Variants in NDE1 observed in about 807,000 individuals in gnomAD.
NDE1 encodes the protein nudE neurodevelopment protein 1.
A neutral mutation model predicts 43.4 loss-of-function variants in NDE1; 28 were observed. That is an observed-to-expected ratio of 0.65 (90% confidence interval 0.48 to 0.89). The LOEUF (loss-of-function observed/expected upper bound fraction) is 0.89. Among genes scored for constraint, NDE1 ranks in the 40% least tolerant of loss-of-function variants. The pLI, the probability that NDE1 is intolerant of heterozygous loss-of-function variation, is 0.00. For missense variants in NDE1, 441 were observed against 434.1 expected, an observed-to-expected ratio of 1.02 and a Z score of -0.14; for synonymous variants, 184 against 172.0, an observed-to-expected ratio of 1.07 and a Z score of -0.55.
chr16:15,694,825 A>G (rs2151134076), intron 7 of NDE1: 1 of 985,358 alleles, frequency 1.0e-6, no homozygotes, highest in Non-Finnish European at 1.2e-6. Context: ...AATTTGGGAA[A>G]TTAGGGTGAT....
At position 15,708,684 on chromosome 16, in the gene NDE1, G is replaced by GC. The variant is rs1243726110; in HGVS notation, c.947+11825dup. 8 of 1,050,292 alleles carry GC rather than the reference G, an allele frequency of 7.6e-6. No individual in the cohort carries two copies. In the African/African-American group the frequency reaches 1.3e-4, roughly 17 times the overall value. 65.1% of individuals were successfully genotyped at this position (1,050,292 alleles called of 1,614,324 possible). A position where few individuals can be genotyped will look rare whatever the true frequency, so the allele number is the denominator to read the frequency against. On this transcript the variant is annotated intron_variant, in intron 8 of 8. Transcript: ENST00000396354. ...AAAGATATCCAAGCCTCCAGATTTTGCAAGAATCTCGTGGAAATGTGCAAG... is the reference window on the plus strand; with the variant it reads ...AAAGATATCCAAGCCTCCAGATTTTGCCAAGAATCTCGTGGAAATGTGCAAG...
In NDE1 at chr16:15,658,952, T is replaced by A. The variant is rs1033953631; in HGVS notation, c.-43-5784T>A. Among the ~76,000 whole-genome samples, 5 of 152,208 alleles carry A rather than the reference T, an allele frequency of 3.3e-5. No homozygotes were observed. The East Asian group carries it at 9.6e-4, about 29-fold the overall frequency. On this transcript the variant is annotated intron_variant, in intron 1 of 8. Coordinates refer to ENST00000396354, the MANE Select transcript of NDE1 (RefSeq NM_017668.3). ...GATTACAGGCATGAGCCACCACGTC[T>A]GGCCAGCTTTGTATGACATTTCGCC... is the stretch of plus-strand genomic sequence containing the variant.
chr16:15,717,112 C>T (rs746624942), intron 8 of NDE1: 4 of 1,612,278 alleles, frequency 2.5e-6, no homozygotes, highest in Admixed American at 1.7e-5. Context: ...CCCCTGCAAA[C>T]TGGGTTCGGA....
At chr16:15,681,601 C>T (rs1001815976) in intron 4 of NDE1, among the ~76,000 whole-genome samples, 2 of 151,414 alleles carry the variant, frequency 1.3e-5, no homozygotes, top group South Asian at 2.1e-4. Context: ...TGTTTTTTTT[C>T]CCATGATTTC....
chr16:15,687,578 C>T, intron 5 of NDE1, 67 bp downstream of exon 5: 1 of 1,413,954 alleles, frequency 7.1e-7, no homozygotes, highest in South Asian at 1.2e-5. Flanking sequence ...TCTTGTCCCA[C>T]AAGCTCTCCC....
chr16:15,723,368 C>T (rs962771839), intron 8 of NDE1, among the ~76,000 whole-genome samples: 8 of 152,076 alleles, frequency 5.3e-5, no homozygotes, highest in East Asian at 1.9e-4. Context: ...ATATGTGGGC[C>T]GGGCATAGTG....
Position 15,690,362 on chromosome 16 carries a change from T to C in NDE1, c.524-782T>C, listed in dbSNP as rs1289820787. On this transcript the variant is annotated intron_variant, in intron 5 of 8. Transcript: ENST00000396354. ...CTTTTTTTTTTTTTTTCTTTTTTTT[T>C]TTTTTTTTTTTTTTTTTTTGAGCCA... Among the ~76,000 whole-genome samples the C allele has an allele frequency of 1.9e-4, 19 of 101,636 alleles. No homozygotes were observed. The East Asian group carries it at 2.9e-3, about 16-fold the overall frequency. The allele number at this position is 101,636 out of a possible 152,430, so 66.7% of individuals were successfully genotyped here.
chr16:15,643,383 G>A, exon 1 of NDE1: 1 of 495,730 alleles, frequency 2.0e-6, no homozygotes, highest in Non-Finnish European at 4.2e-6. Flanking sequence ...AAAACCCCCA[G>A]TTTAAGGAGG....
intron 3 of NDE1, among the ~76,000 whole-genome samples, chr16:15,668,944 G>A (rs2037451266): frequency 6.6e-6 from 1 of 152,152 alleles, no homozygotes; most frequent in Admixed American, 6.6e-5. Context: ...CTGTTGCCCA[G>A]GCTGGAGTGC....
At chr16:15,681,988 C>A (rs772251137) in intron 4 of NDE1, among the ~76,000 whole-genome samples, 1 of 152,172 alleles carries the variant, frequency 6.6e-6, no homozygotes, top group South Asian at 2.1e-4. Context: ...TTGTGCACTC[C>A]AAGGTTTATA....
At chr16:15,724,070 G>A (rs949462185) in intron 8 of NDE1, 121 bp from the exon 9 acceptor site, 11 of 1,593,806 alleles carry the variant, frequency 6.9e-6, no homozygotes, top group Admixed American at 1.7e-5. Flanking sequence ...GGGGATGCAG[G>A]CACAGGCCAG....
In NDE1 at chr16:15,717,295, A is replaced by T. The variant is rs112201211; in HGVS notation, c.948-6896A>T. 6.2e-7 allele frequency: 1 copy of T among 1,613,102 alleles called. No homozygotes were observed. The highest frequency in any genetic ancestry group is 8.5e-7 in the Non-Finnish European group (1 of 1,180,014). ...GCTCGAGCTGCTGCCGGGCACTCTC[A>T]TTCTTCTGGGCCGTGCTGCGCTCTG... On this transcript the variant is annotated intron_variant, in intron 8 of 8. Coordinates refer to ENST00000396354, the MANE Select transcript of NDE1 (RefSeq NM_017668.3).
At position 15,677,286 on chromosome 16, in the gene NDE1, TAAAG is replaced by T. The variant is rs890589060; in HGVS notation, c.238-513_238-510del. On this transcript the variant is annotated intron_variant, in intron 3 of 8. Transcript: ENST00000396354. ...GAGTGTGGTGGGAGGAGTAGTTTCA[TAAAG>T]AGAGAGGGTCAGGCCAGGTGCAGTG... Among the ~76,000 whole-genome samples the T allele has an allele frequency of 5.3e-5, 8 of 151,938 alleles. No individual in the cohort carries two copies. The East Asian group carries it at 1.2e-3, about 22-fold the overall frequency.
chr16:15,686,604 A>T, intron 4 of NDE1: 1 of 941,516 alleles, frequency 1.1e-6, no homozygotes, highest in Non-Finnish European at 1.3e-6. Context: ...CTTGAGCCCA[A>T]GAGTTTGAGA....
In NDE1 at chr16:15,650,292, C is replaced by A; in HGVS notation, c.-46C>A. The A allele has an allele frequency of 3.2e-6, 1 of 310,608 alleles. No homozygotes were observed. Among genetic ancestry groups the A allele is most frequent in the South Asian group, 2.3e-5 (1 of 42,622 alleles). The allele number at this position is 310,608 out of a possible 1,614,324, so 19.2% of individuals were successfully genotyped here. On this transcript the variant is annotated splice_region_variant and 5_prime_UTR_variant, in exon 1 of 9. Coordinates refer to ENST00000396354, the MANE Select transcript of NDE1 (RefSeq NM_017668.3). ...CCGCGTTGGCCTCGCCGCCCCTGCTCGGGTAAGTGAGGCGCTGCGCGGGGC... is the reference window on the plus strand; with the variant it reads ...CCGCGTTGGCCTCGCCGCCCCTGCTAGGGTAAGTGAGGCGCTGCGCGGGGC...
rs998621381 is a variant in NDE1 at position 15,665,059 on chromosome 16, CT to C, written c.83+210del. 2.4e-3 allele frequency among the ~76,000 whole-genome samples: 340 copies of C among 141,360 alleles called. No individual in the cohort carries two copies. The highest frequency in any genetic ancestry group is 3.7e-3 in the Middle Eastern group (1 of 272). 92.7% of individuals were successfully genotyped at this position (141,360 alleles called of 152,430 possible). The stretch of plus-strand genomic sequence containing the variant: ...TATAGGTGTGCTTCATCAGGCCAGG[CT>C]TTTTTTTTTTTGGCGGAAACAGGGG... On this transcript the variant is annotated intron_variant, in intron 2 of 8. Coordinates refer to ENST00000396354, the MANE Select transcript of NDE1 (RefSeq NM_017668.3).
upstream of NDE1, among the ~76,000 whole-genome samples, chr16:15,646,044 A>G (rs927562770): frequency 2.0e-5 from 3 of 152,250 alleles, no homozygotes; most frequent in Admixed American, 6.5e-5. Flanking sequence ...GTTTTACCCA[A>G]TGACAAACCT....
At chr16:15,706,926 GTGCTT>G (rs1485333435) in intron 8 of NDE1, among the ~76,000 whole-genome samples, 1 of 152,182 alleles carries the variant, frequency 6.6e-6, no homozygotes. Flanking sequence ...TTTGGCTGAA[GTGCTT>G]TTCTTGGAAC....
chr16:15,670,669 AAAAG>A (rs779616452), intron 3 of NDE1, among the ~76,000 whole-genome samples: 133 of 150,556 alleles, frequency 8.8e-4, no homozygotes, highest in African/African-American at 2.7e-3. Flanking sequence ...AAAAAAAAAA[AAAAG>A]AAAGAAAAAG....
Sources: gnomAD v4.1 joint callset for allele counts (sites outside exome capture counted in the v4.1 genomes callset) on GRCh38, gnomAD v4.1.1 for gene constraint, MANE v1.5 for transcripts, NCBI Gene and HGNC (gene_info 2026-07-23, HGNC 2026-07-21) for gene names.